Variants in FBXO42 observed in about 807,000 individuals in gnomAD.
FBXO42 encodes the protein F-box protein 42.
A neutral mutation model predicts 71.7 loss-of-function variants in FBXO42; 12 were observed. That is an observed-to-expected ratio of 0.17 (90% confidence interval 0.11 to 0.27). The LOEUF is 0.27. FBXO42 is among the 10% of genes least tolerant of loss of function. The probability of loss-of-function intolerance (pLI) is 1.00; values close to 1 mark genes in which losing one functional copy is unlikely to be tolerated. For missense variants in FBXO42, 707 were observed against 911.9 expected (o/e 0.78, Z 2.89); for synonymous variants, 325 against 327.5 (o/e 0.99, Z 0.08).
In FBXO42 at chr1:16,330,596, C is replaced by A. The variant is rs536253772; in HGVS notation, c.-17-15161G>T. 4.6e-5 allele frequency among the ~76,000 whole-genome samples: 7 copies of A among 152,190 alleles called. No homozygotes were observed. The East Asian group carries it at 1.4e-3, about 29-fold the overall frequency. On this transcript the variant is annotated intron_variant, in intron 1 of 9. Transcript: ENST00000375592. ...GGTTGAGGCAGGCAGATCACAAGGT[C>A]AACAGATTGAGACCATCCTGGCCAA... is the stretch of plus-strand genomic sequence containing the variant.
At chr1:16,279,275 A>C (rs1421038612) in intron 4 of FBXO42, among the ~76,000 whole-genome samples, 2 of 152,230 alleles carry the variant, frequency 1.3e-5, no homozygotes, top group Non-Finnish European at 2.9e-5. Flanking sequence ...CCCTAAAAAA[A>C]CAAAATTATT....
At chr1:16,279,994 G>C (rs1161540619) in intron 4 of FBXO42, among the ~76,000 whole-genome samples, 1 of 152,008 alleles carries the variant, frequency 6.6e-6, no homozygotes, top group Admixed American at 6.6e-5. Flanking sequence ...TTACAGGCCT[G>C]TGTCACCACA....
chr1:16,293,076 C>G (rs1405652985), intron 4 of FBXO42: 1 of 152,216 alleles, frequency 6.6e-6, no homozygotes, highest in Non-Finnish European at 1.5e-5. Flanking sequence ...AGGTTATTCT[C>G]CAAAGTACAA....
At chr1:16,324,582 C>G (rs1013656622) in intron 1 of FBXO42, among the ~76,000 whole-genome samples, 3 of 152,160 alleles carry the variant, frequency 2.0e-5, no homozygotes, top group African/African-American at 7.2e-5. Context: ...CTTTGGGAAG[C>G]CAAAGCAGGC....
intron 1 of FBXO42, among the ~76,000 whole-genome samples, chr1:16,351,535 C>A (rs2082702729): frequency 6.6e-6 from 1 of 152,192 alleles, no homozygotes; most frequent in South Asian, 2.1e-4. Flanking sequence ...TGAATCTTAA[C>A]AAACCGAAGG....
chr1:16,312,127 G>A (rs986871360), intron 2 of FBXO42, among the ~76,000 whole-genome samples: 1 of 152,086 alleles, frequency 6.6e-6, no homozygotes, highest in Non-Finnish European at 1.5e-5. Context: ...TGGAAGCTGA[G>A]GCAGGAAAAT....
chr1:16,297,616 C>T (rs987541804), intron 3 of FBXO42, among the ~76,000 whole-genome samples: 6 of 151,432 alleles, frequency 4.0e-5, no homozygotes, highest in African/African-American at 1.5e-4. Context: ...AATCCCAGCA[C>T]TTTGGGAGGC....
chr1:16,340,589 G>A (rs2082594895), intron 1 of FBXO42, among the ~76,000 whole-genome samples: 1 of 152,236 alleles, frequency 6.6e-6, no homozygotes, highest in East Asian at 1.9e-4. Flanking sequence ...AAAGTGCTGG[G>A]ATTACAGGCG....
intron 4 of FBXO42, among the ~76,000 whole-genome samples, chr1:16,287,782 G>C (rs2082036795): frequency 6.6e-6 from 1 of 151,878 alleles, no homozygotes; most frequent in African/African-American, 2.4e-5. Flanking sequence ...CAGGCCCTTT[G>C]TTTTCAGTGT....
intron 4 of FBXO42, among the ~76,000 whole-genome samples, chr1:16,278,903 C>T (rs369922494): frequency 6.6e-6 from 1 of 152,114 alleles, no homozygotes; most frequent in Non-Finnish European, 1.5e-5. Context: ...CTCAGCCTCC[C>T]GAGCAGCTGG....
intron 1 of FBXO42, among the ~76,000 whole-genome samples, chr1:16,321,154 C>T (rs2082407044): frequency 6.6e-6 from 1 of 152,170 alleles, no homozygotes; most frequent in Admixed American, 6.5e-5. Flanking sequence ...CAAGCAATTT[C>T]CACCATTCAA....
At chr1:16,309,057 CTTTTTTTTTTT>C (rs58594138) in intron 2 of FBXO42, among the ~76,000 whole-genome samples, 12 of 38,688 alleles carry the variant, frequency 3.1e-4, no homozygotes, top group Admixed American at 9.3e-4. Flanking sequence ...GACCCCATCT[CTTTTTTTTTTT>C]TTTTTTTTTT....
At chr1:16,291,543 G>A (rs1217029991) in intron 4 of FBXO42, among the ~76,000 whole-genome samples, 1 of 152,044 alleles carries the variant, frequency 6.6e-6, no homozygotes, top group Non-Finnish European at 1.5e-5. Flanking sequence ...ACCATGCCCT[G>A]CTAATTTTTT....
chr1:16,338,804 CTTTTTTT>C (rs71574177), intron 1 of FBXO42, among the ~76,000 whole-genome samples: 1,372 of 81,052 alleles, frequency 0.017, 20 homozygotes, highest in African/African-American at 0.062. Context: ...TTCCATTTGT[CTTTTTTT>C]TTTTTTTTTT....
chr1:16,254,420 C>T (rs1403092371), intron 6 of FBXO42, among the ~76,000 whole-genome samples: 1 of 152,178 alleles, frequency 6.6e-6, no homozygotes, highest in Admixed American at 6.5e-5. Flanking sequence ...TGCACAATGA[C>T]TAATGAAAGC....
At position 16,253,003 on chromosome 1, in the gene FBXO42, T is replaced by C. The variant is rs1156552267; in HGVS notation, c.921+93A>G. ...TCCTTAAATTAAAATGCCATGGAAA[T>C]AGTCTTGTATACTCCTAGAAAAGAA... On this transcript the variant is annotated intron_variant, in intron 8 of 9. Transcript: ENST00000375592. 10 of 1,049,156 alleles carry C rather than the reference T, an allele frequency of 9.5e-6. No homozygotes were observed. In the South Asian group the frequency reaches 1.1e-4, roughly 11 times the overall value. 65.0% of individuals were successfully genotyped at this position (1,049,156 alleles called of 1,614,324 possible).
At chr1:16,264,246 AAC>A (rs1434121787) in intron 4 of FBXO42, among the ~76,000 whole-genome samples, 3 of 152,238 alleles carry the variant, frequency 2.0e-5, no homozygotes, top group Non-Finnish European at 4.4e-5. Flanking sequence ...TTTTTATTAA[AAC>A]ACACATATCT....
At chr1:16,281,025 G>A (rs533026944) in intron 4 of FBXO42, among the ~76,000 whole-genome samples, 1 of 152,020 alleles carries the variant, frequency 6.6e-6, no homozygotes, top group Non-Finnish European at 1.5e-5. Context: ...GCAATGACAC[G>A]ATTCTCAGCT....
intron 1 of FBXO42, among the ~76,000 whole-genome samples, chr1:16,317,140 G>A (rs749080259): frequency 7.2e-5 from 11 of 152,186 alleles, no homozygotes; most frequent in Middle Eastern, 3.4e-3. Context: ...AAATTAGGCC[G>A]GGCGCAGTGG....
Sources: gnomAD v4.1 joint callset for allele counts (sites outside exome capture counted in the v4.1 genomes callset) on GRCh38, gnomAD v4.1.1 for gene constraint, MANE v1.5 for transcripts, NCBI Gene and HGNC (gene_info 2026-07-23, HGNC 2026-07-21) for gene names.